The following CNTNAP2 variants were observed in gnomAD, a reference collection of about 807,000 sequenced individuals.
The protein encoded by CNTNAP2 is contactin associated protein 2.
Under a neutral mutation model 155.2 loss-of-function variants are expected in CNTNAP2, and 98 were observed. The ratio of observed to expected loss-of-function variants is 0.63; its 90% CI spans 0.54 to 0.75. The LOEUF (loss-of-function observed/expected upper bound fraction) is 0.75, where lower values mean the gene tolerates loss of function less well. CNTNAP2 is among the 30% of genes least tolerant of loss of function. The pLI is 0.00. For missense variants in CNTNAP2, 1,727 were observed against 1,688.1 expected (o/e 1.02, Z -0.40); for synonymous variants, 651 against 631.2 (o/e 1.03, Z -0.47).
intron 15 of CNTNAP2, among the ~76,000 whole-genome samples, chr7:148,100,264 C>T (rs1402674858): frequency 1.3e-5 from 2 of 151,146 alleles, no homozygotes; most frequent in African/African-American, 4.9e-5. Context: ...TCCTACAGAA[C>T]AAATAAATCA....
chr7:147,435,336 G>T (rs1023118415), intron 10 of CNTNAP2, among the ~76,000 whole-genome samples: 1 of 152,154 alleles, frequency 6.6e-6, no homozygotes, highest in Non-Finnish European at 1.5e-5. Flanking sequence ...ATTCACCTTA[G>T]ACCGGTGATT....
At chr7:147,644,413 G>C (rs1307213979) in intron 13 of CNTNAP2, among the ~76,000 whole-genome samples, 1 of 152,184 alleles carries the variant, frequency 6.6e-6, no homozygotes, top group Non-Finnish European at 1.5e-5. Context: ...TTGAAGTCAG[G>C]AGTTCAAGAC....
chr7:147,720,235 TATACA>T (rs775857908), intron 13 of CNTNAP2, among the ~76,000 whole-genome samples: 2 of 152,152 alleles, frequency 1.3e-5, no homozygotes, highest in Non-Finnish European at 2.9e-5. Flanking sequence ...GCATTTATGG[TATACA>T]AACTGTATAA....
intron 15 of CNTNAP2, among the ~76,000 whole-genome samples, chr7:148,009,299 A>T (rs758371296): frequency 3.9e-5 from 6 of 152,206 alleles, no homozygotes; most frequent in Non-Finnish European, 8.8e-5. Context: ...CTGCACTGAA[A>T]GTGAAAAACA....
chr7:146,138,229 A>C (rs917957696), intron 1 of CNTNAP2, among the ~76,000 whole-genome samples: 2 of 152,154 alleles, frequency 1.3e-5, no homozygotes, highest in East Asian at 1.9e-4. Context: ...AAATGTTACT[A>C]TGTGGAAAAT....
At chr7:148,053,781 G>A (rs1802937166) in intron 15 of CNTNAP2, among the ~76,000 whole-genome samples, 1 of 152,078 alleles carries the variant, frequency 6.6e-6, no homozygotes, top group African/African-American at 2.4e-5. Context: ...AAGGTAATAA[G>A]TTTTATGGAT....
At chr7:147,179,928 G>A (rs1166285687) in intron 8 of CNTNAP2, among the ~76,000 whole-genome samples, 1 of 152,210 alleles carries the variant, frequency 6.6e-6, no homozygotes, top group African/African-American at 2.4e-5. Flanking sequence ...CCCAGGTTGT[G>A]ACAAAAGTGA....
intron 1 of CNTNAP2, among the ~76,000 whole-genome samples, chr7:146,405,570 G>T (rs998362063): frequency 2.6e-5 from 4 of 152,106 alleles, no homozygotes; most frequent in African/African-American, 9.7e-5. Context: ...ATTTCTCTCT[G>T]AATTTCTAGA....
At chr7:146,658,098 G>C (rs1800025319) in intron 1 of CNTNAP2, among the ~76,000 whole-genome samples, 1 of 152,120 alleles carries the variant, frequency 6.6e-6, no homozygotes, top group Non-Finnish European at 1.5e-5. Context: ...TCCGTGTAAG[G>C]GGGTAATGAA....
At chr7:147,733,542 C>A (rs982255233) in intron 13 of CNTNAP2, among the ~76,000 whole-genome samples, 17 of 152,090 alleles carry the variant, frequency 1.1e-4, no homozygotes, top group African/African-American at 4.1e-4. Context: ...GTAGTTTTTT[C>A]CAATTCTGTG....
intron 1 of CNTNAP2, among the ~76,000 whole-genome samples, chr7:146,473,009 A>G (rs141717772): frequency 1.1e-3 from 170 of 151,474 alleles, no homozygotes; most frequent in African/African-American, 4.0e-3. Flanking sequence ...TAGAGAGGCT[A>G]GGGAAGAATT....
At chr7:146,366,087 T>A (rs775144003) in intron 1 of CNTNAP2, among the ~76,000 whole-genome samples, 7 of 152,280 alleles carry the variant, frequency 4.6e-5, no homozygotes, top group African/African-American at 7.2e-5. Context: ...GAGGGATGTA[T>A]ATATGGATAT....
chr7:147,689,108 ATTTT>A (rs1554422434), intron 13 of CNTNAP2, among the ~76,000 whole-genome samples: 1 of 148,426 alleles, frequency 6.7e-6, no homozygotes, highest in African/African-American at 2.5e-5. Flanking sequence ...GTATTACAGG[ATTTT>A]TTTTTTATTT....
intron 1 of CNTNAP2, among the ~76,000 whole-genome samples, chr7:146,571,667 A>T (rs1198014927): frequency 6.6e-6 from 1 of 152,192 alleles, no homozygotes; most frequent in African/African-American, 2.4e-5. Flanking sequence ...TCCATTCTAC[A>T]TCGAGTTCTG....
chr7:147,885,679 T>G (rs1035233196), intron 13 of CNTNAP2, among the ~76,000 whole-genome samples: 1 of 152,178 alleles, frequency 6.6e-6, no homozygotes, highest in Non-Finnish European at 1.5e-5. Context: ...ACCTGAAACA[T>G]GAGTCTGCCG....
chr7:146,836,725 C>T (rs773306406), intron 2 of CNTNAP2, among the ~76,000 whole-genome samples: 3 of 151,996 alleles, frequency 2.0e-5, no homozygotes, highest in African/African-American at 4.8e-5. Context: ...GCACTCATTT[C>T]GTCATGTAAA....
intron 1 of CNTNAP2, among the ~76,000 whole-genome samples, chr7:146,404,631 T>C (rs1795764710): frequency 6.6e-6 from 1 of 151,988 alleles, no homozygotes; most frequent in Non-Finnish European, 1.5e-5. Context: ...CATTCTGGAG[T>C]AACTACAAAG....
At chr7:146,473,659 G>A (rs1268788665) in intron 1 of CNTNAP2, among the ~76,000 whole-genome samples, 3 of 152,066 alleles carry the variant, frequency 2.0e-5, no homozygotes, top group African/African-American at 7.2e-5. Flanking sequence ...CTTCTATTCA[G>A]TTTATGTTCT....
At chr7:146,925,952 T>C (rs1796599299) in intron 3 of CNTNAP2, among the ~76,000 whole-genome samples, 1 of 152,096 alleles carries the variant, frequency 6.6e-6, no homozygotes, top group South Asian at 2.1e-4. Flanking sequence ...CTTCATTCTT[T>C]TGTGCAGAAG....
Sources: gnomAD v4.1 joint callset for allele counts (sites outside exome capture counted in the v4.1 genomes callset) on GRCh38, gnomAD v4.1.1 for gene constraint, MANE v1.5 for transcripts, NCBI Gene and HGNC (gene_info 2026-07-23, HGNC 2026-07-21) for gene names.